Variants in TGFA observed in about 807,000 individuals in gnomAD.
The protein encoded by TGFA is protransforming growth factor alpha.
In TGFA, 12 loss-of-function variants were observed where a neutral mutation model predicts 21.7. The ratio of observed to expected loss-of-function variants is 0.55; its 90% CI spans 0.35 to 0.90. The LOEUF (loss-of-function observed/expected upper bound fraction) is 0.90, where lower values mean the gene tolerates loss of function less well. TGFA is among the 40% of genes least tolerant of loss of function. TGFA has a pLI of 0.01. For synonymous variants in TGFA, 79 were observed against 88.1 expected (o/e 0.90, Z 0.58); for missense variants, 178 against 210.8 (o/e 0.84, Z 0.96).
intron 1 of TGFA, among the ~76,000 whole-genome samples, chr2:70,549,860 G>A (rs1355169524): frequency 6.6e-6 from 1 of 152,110 alleles, no homozygotes; most frequent in African/African-American, 2.4e-5. Context: ...TTTATCCTGA[G>A]GAACCCAAAA....
At chr2:70,495,184 G>A (rs1381320974) in intron 2 of TGFA, among the ~76,000 whole-genome samples, 1 of 152,128 alleles carries the variant, frequency 6.6e-6, no homozygotes, top group African/African-American at 2.4e-5. Context: ...GACATGGTCC[G>A]CTCCTTCCCT....
chr2:70,549,049 T>C (rs1673402682), intron 1 of TGFA, among the ~76,000 whole-genome samples: 1 of 152,234 alleles, frequency 6.6e-6, no homozygotes, highest in South Asian at 2.1e-4. Context: ...TATGTTCATA[T>C]TTTTAATTAG....
intron 2 of TGFA, among the ~76,000 whole-genome samples, chr2:70,471,164 A>G (rs1670736945): frequency 6.9e-6 from 1 of 145,512 alleles, no homozygotes; most frequent in Non-Finnish European, 1.5e-5. Flanking sequence ...TTCAAGTTCG[A>G]GGTTCTTTGC....
At chr2:70,457,761 C>T (rs965842346) in intron 3 of TGFA, among the ~76,000 whole-genome samples, 9 of 152,098 alleles carry the variant, frequency 5.9e-5, no homozygotes, top group Admixed American at 1.3e-4. Flanking sequence ...ACGCTGGTCT[C>T]GAGCTCTTGA....
At chr2:70,516,593 T>G (rs1387222793) in intron 1 of TGFA, among the ~76,000 whole-genome samples, 2 of 152,076 alleles carry the variant, frequency 1.3e-5, no homozygotes, top group African/African-American at 2.4e-5. Context: ...CCTGTGCAAT[T>G]CTTTCTTGCT....
At chr2:70,490,521 A>G (rs3771501) in intron 2 of TGFA, among the ~76,000 whole-genome samples, 90,031 of 152,108 alleles carry the variant, frequency 0.59, 27,342 homozygotes, top group African/African-American at 0.72. Flanking sequence ...GTGTTCACTT[A>G]TAGAATACAG....
At chr2:70,455,906 C>G (rs1419675712) in intron 4 of TGFA, among the ~76,000 whole-genome samples, 7 of 152,206 alleles carry the variant, frequency 4.6e-5, no homozygotes, top group Admixed American at 1.3e-4. Context: ...TGATGGTCAT[C>G]AGCCTGTAAC....
At chr2:70,455,337 A>T (rs1238257116) in intron 4 of TGFA, among the ~76,000 whole-genome samples, 2 of 152,208 alleles carry the variant, frequency 1.3e-5, no homozygotes, top group East Asian at 3.9e-4. Context: ...CACAAACCAA[A>T]GGGACAGTTT....
chr2:70,530,547 T>C (rs1672783522), intron 1 of TGFA, among the ~76,000 whole-genome samples: 1 of 152,264 alleles, frequency 6.6e-6, no homozygotes, highest in African/African-American at 2.4e-5. Flanking sequence ...TATGAATTTG[T>C]GTTGGGCCAC....
intron 1 of TGFA, among the ~76,000 whole-genome samples, chr2:70,543,497 G>A (rs1673196386): frequency 6.8e-6 from 1 of 148,136 alleles, no homozygotes; most frequent in Non-Finnish European, 1.5e-5. Flanking sequence ...CTTCACCCTA[G>A]CCTGGGCGAC....
At chr2:70,535,429 A>G (rs1216225213) in intron 1 of TGFA, among the ~76,000 whole-genome samples, 1 of 152,236 alleles carries the variant, frequency 6.6e-6, no homozygotes, top group Admixed American at 6.5e-5. Flanking sequence ...AAATATGTAG[A>G]TACATAGCAT....
intron 1 of TGFA, among the ~76,000 whole-genome samples, chr2:70,545,287 G>T (rs1355526813): frequency 6.6e-6 from 1 of 151,438 alleles, no homozygotes; most frequent in Non-Finnish European, 1.5e-5. Flanking sequence ...AAGAAGAAGA[G>T]GAAGAAGAAG....
At chr2:70,533,101 A>G (rs1553503931) in intron 1 of TGFA, among the ~76,000 whole-genome samples, 2 of 151,694 alleles carry the variant, frequency 1.3e-5, no homozygotes, top group Non-Finnish European at 2.9e-5. Context: ...GGCTCAAGTG[A>G]TCCGCCCATC....
Position 70,485,324 on chromosome 2 carries a change from G to A in TGFA, c.95-19588C>T, listed in dbSNP as rs546144702. On this transcript the variant is annotated intron_variant, in intron 2 of 5. Transcript: ENST00000295400. ...CACGATCTGGCTCACTGCAACCCCC[G>A]CCTCCTGGGTTCAAGTGATTCTTCT... is the stretch of plus-strand genomic sequence containing the variant. 4.5e-4 allele frequency among the ~76,000 whole-genome samples: 68 copies of A among 151,980 alleles called. No individual in the cohort carries two copies. The South Asian group carries it at 5.2e-3, about 12-fold the overall frequency.
At position 70,538,354 on chromosome 2, in the gene TGFA, C is replaced by A. The variant is rs1254279083; in HGVS notation, c.40+15374G>T. On this transcript the variant is annotated intron_variant, in intron 1 of 5. Coordinates refer to ENST00000295400, the MANE Select transcript of TGFA (RefSeq NM_003236.4). ...TTCAAATTTCAAGTCTTAAGACCTA[C>A]ATTTTATAATGCTATTGCTGCCACA... is the stretch of plus-strand genomic sequence containing the variant. Among the ~76,000 whole-genome samples, 3 of 152,178 alleles carry A rather than the reference C, an allele frequency of 2.0e-5. No individual in the cohort carries two copies. In the East Asian group the frequency reaches 5.8e-4, roughly 29 times the overall value.
chr2:70,496,341 C>G (rs568178262), intron 2 of TGFA, among the ~76,000 whole-genome samples: 3 of 152,144 alleles, frequency 2.0e-5, no homozygotes, highest in African/African-American at 7.2e-5. Context: ...TACCAGAACC[C>G]TTTCTTGTTA....
intron 1 of TGFA, among the ~76,000 whole-genome samples, chr2:70,543,648 T>C (rs915425381): frequency 3.3e-5 from 5 of 152,120 alleles, no homozygotes; most frequent in South Asian, 2.1e-4. Flanking sequence ...TTGAGTTGAA[T>C]AGATTGTGAG....
At chr2:70,476,821 T>G (rs1277217781) in intron 2 of TGFA, among the ~76,000 whole-genome samples, 1 of 152,206 alleles carries the variant, frequency 6.6e-6, no homozygotes, top group Non-Finnish European at 1.5e-5. Flanking sequence ...GAAGTGAATT[T>G]GTAGTTGGGA....
intron 1 of TGFA, among the ~76,000 whole-genome samples, chr2:70,516,247 C>A (rs1559130348): frequency 6.6e-6 from 1 of 152,226 alleles, no homozygotes; most frequent in Non-Finnish European, 1.5e-5. Context: ...CAAGTTAGCA[C>A]AGGAAACAAG....
Sources: allele counts gnomAD v4.1 joint callset (sites outside exome capture counted in the v4.1 genomes callset), GRCh38; gene constraint gnomAD v4.1.1; transcripts MANE v1.5; gene names NCBI Gene and HGNC (gene_info 2026-07-23, HGNC 2026-07-21).